The following C1QTNF8 variants were observed in gnomAD, a reference collection of about 807,000 sequenced individuals.
C1QTNF8 encodes C1q and TNF related 8, also known as complement C1q tumor necrosis factor-related protein 8.
Under a neutral mutation model 19.2 loss-of-function variants are expected in C1QTNF8, and 27 were observed. The ratio of observed to expected loss-of-function variants is 1.41; its 90% CI spans 1.04 to 1.94. The LOEUF (loss-of-function observed/expected upper bound fraction) is 1.94, where lower values mean the gene tolerates loss of function less well. Among genes scored for constraint, C1QTNF8 ranks in the 30% most tolerant of loss-of-function variants. The pLI is 0.00. For synonymous variants in C1QTNF8, 208 were observed against 172.8 expected, an observed-to-expected ratio of 1.20 and a Z score of -1.60; for missense variants, 484 against 374.4, an observed-to-expected ratio of 1.29 and a Z score of -2.42.
chr16:1,094,644 GGTGCTCCCCACTCCCT>G, intron 3 of C1QTNF8, 55 bp downstream of exon 3: 1 of 1,336,766 alleles, frequency 7.5e-7, no homozygotes. Flanking sequence ...CCAAGCCCCA[GGTGCTCCCCACTCCCT>G]GTGGGCTGTT....
In C1QTNF8 at chr16:1,088,524, G is replaced by A. The variant is rs888171703; in HGVS notation, c.*2075C>T. On this transcript the variant is annotated 3_prime_UTR_variant, in exon 5 of 5. Coordinates refer to ENST00000328449, the MANE Select transcript of C1QTNF8 (RefSeq NM_207419.3). Reference sequence around the variant, plus strand: ...GCCTCTACCAAGCATCCCTCTTTCCGCTCCCACCTGGCACTGGCAGCGTCC... The same window carrying A: ...GCCTCTACCAAGCATCCCTCTTTCCACTCCCACCTGGCACTGGCAGCGTCC... 1.3e-5 allele frequency among the ~76,000 whole-genome samples: 2 copies of A among 152,142 alleles called. No homozygotes were observed. Among genetic ancestry groups the A allele is most frequent in the African/African-American group, 4.8e-5 (2 of 41,414 alleles).
chr16:1,094,664 G>T, intron 3 of C1QTNF8, 51 bp downstream of exon 3: 2 of 1,506,968 alleles, frequency 1.3e-6, no homozygotes, highest in Non-Finnish European at 1.8e-6. Context: ...ACTCCCTGTG[G>T]GCTGTTGGGT....
chr16:1,094,657 C>T (rs1288757491), intron 3 of C1QTNF8, 58 bp downstream of exon 3: 7 of 1,469,536 alleles, frequency 4.8e-6, no homozygotes, highest in Middle Eastern at 1.8e-4. Flanking sequence ...GCTCCCCACT[C>T]CCTGTGGGCT....
chr16:1,094,772 C>T lies in C1QTNF8; in HGVS notation c.151G>A (p.Asp51Asn), dbSNP rs748702651. The stretch of plus-strand genomic sequence containing the variant: ...ACTCGAGGCAGCCCCCTCCACAGGT[C>T]CCCCCTCCACAGGTCCCTGTCACTC... ...RVSDRDLWRG[D>N]LWRGLPRVRP... The change falls in exon 3 of 5, where the codon GAC becomes AAC. Residue 51 changes from aspartate to asparagine, a missense_variant. Asp to Asn is a conservative substitution (Grantham distance 23). Transcript: ENST00000328449. The T allele has an allele frequency of 5.2e-6, 8 of 1,544,954 alleles. No homozygotes were observed. The East Asian group carries it at 7.6e-5, about 15-fold the overall frequency.
At chr16:1,093,123 AC>A (rs1960589994) in intron 4 of C1QTNF8, among the ~76,000 whole-genome samples, 2 of 144,536 alleles carry the variant, frequency 1.4e-5, no homozygotes, top group Admixed American at 1.4e-4. Flanking sequence ...ATCCCTGCAC[AC>A]AGTCGGTGCT....
At chr16:1,091,362 T>C (rs893648092) in intron 4 of C1QTNF8, among the ~76,000 whole-genome samples, 2 of 151,850 alleles carry the variant, frequency 1.3e-5, no homozygotes, top group African/African-American at 2.4e-5. Flanking sequence ...CTGCCACAAA[T>C]AGCACACCAA....
intron 4 of C1QTNF8, among the ~76,000 whole-genome samples, chr16:1,091,337 G>A (rs530521115): frequency 6.6e-6 from 1 of 152,260 alleles, no homozygotes; most frequent in African/African-American, 2.4e-5. Context: ...CTCCTGCCCG[G>A]GCCCAGTGGC....
intron 4 of C1QTNF8, among the ~76,000 whole-genome samples, chr16:1,092,258 G>A (rs1431383730): frequency 6.6e-6 from 1 of 152,232 alleles, no homozygotes; most frequent in African/African-American, 2.4e-5. Flanking sequence ...CCTGCACACA[G>A]TCGGCACTCA....
chr16:1,093,801 C>T lies in C1QTNF8; in HGVS notation c.459G>A (p.Ala153=), dbSNP rs773734596. 7.4e-6 allele frequency: 12 copies of T among 1,611,112 alleles called. No individual in the cohort carries two copies. Among genetic ancestry groups the T allele is most frequent in the Admixed American group, 1.7e-5 (1 of 59,984 alleles). The change falls in exon 4 of 5, where the codon GCG becomes GCA. Residue 153 remains alanine (A), a synonymous_variant. Coordinates refer to ENST00000328449, the MANE Select transcript of C1QTNF8 (RefSeq NM_207419.3). ...VNLDGAFDLA[A]GRFLCTVPGV... Reference sequence around the variant, plus strand: ...CGGGCACCGTGCAGAGGAAGCGGCCCGCGGCCAGGTCGAAGGCGCCGTCCA... The same window carrying T: ...CGGGCACCGTGCAGAGGAAGCGGCCTGCGGCCAGGTCGAAGGCGCCGTCCA...
At position 1,094,612 on chromosome 16, in the gene C1QTNF8, C is replaced by T. The variant is rs562273121; in HGVS notation, c.208+103G>A. The T allele has an allele frequency of 3.2e-4, 285 of 887,386 alleles. 1 individual carries two copies. In the East Asian group the frequency reaches 7.8e-3, roughly 24 times the overall value. 55.0% of individuals were successfully genotyped at this position (887,386 alleles called of 1,614,324 possible). A position where few individuals can be genotyped will look rare whatever the true frequency, so the allele number is the denominator to read the frequency against. On this transcript the variant is annotated intron_variant, in intron 3 of 4. Transcript: ENST00000328449. ...TGCCAGGGCAGACACTGGTGCTCAG[C>T]GTGCCCCTCCCGCCCCTCCTCCCAA... is the stretch of plus-strand genomic sequence containing the variant.
intron 3 of C1QTNF8, 30 bp downstream of exon 3, chr16:1,094,685 G>A: frequency 5.7e-6 from 9 of 1,577,548 alleles, no homozygotes; most frequent in East Asian, 2.4e-5. Context: ...CCTGGTGGGG[G>A]AGCATGCAGG....
intron 4 of C1QTNF8, among the ~76,000 whole-genome samples, chr16:1,093,279 A>AATCCCTGCACACAGTCGGCGCTCAACC (rs1960595898): frequency 6.8e-5 from 5 of 73,268 alleles, no homozygotes; most frequent in African/African-American, 3.0e-4. Context: ...GGCGCTCAAC[A>AATCCCTGCACACAGTCGGCGCTCAACC]AATCACTGCA....
chr16:1,093,762 G>C lies in C1QTNF8; in HGVS notation c.498C>G (p.Leu166=), dbSNP rs765095637. Residue 166 remains leucine (L), a synonymous_variant, in exon 4 of 5, where the codon CTC becomes CTG. Coordinates refer to ENST00000328449, the MANE Select transcript of C1QTNF8 (RefSeq NM_207419.3). ...FLCTVPGVYF[L]SLNVHTWNYK... is the part of the protein sequence containing the mutation. ...AGTTCCAGGTGTGCACGTTGAGGCT[G>C]AGGAAGTAGACGCCGGGCACCGTGC... 1 of 1,612,226 alleles carries C rather than the reference G, an allele frequency of 6.2e-7. No homozygotes were observed. The highest frequency in any genetic ancestry group is 8.5e-7 in the Non-Finnish European group (1 of 1,179,704).
rs189659753 is a variant in C1QTNF8, at chr16:1,091,844, C to A, written c.*5-1250G>T. On this transcript the variant is annotated intron_variant, in intron 4 of 4. Coordinates refer to ENST00000328449, the MANE Select transcript of C1QTNF8 (RefSeq NM_207419.3). The stretch of plus-strand genomic sequence containing the variant: ...AAGCCACCACTAGAGCAGCCCCACC[C>A]TCCCGGCCACCGTGAGTGCTGGGTG... Among the ~76,000 whole-genome samples, 51 of 145,804 alleles carry A rather than the reference C, an allele frequency of 3.5e-4. 1 individual carries two copies. In the East Asian group the frequency reaches 9.3e-3, roughly 26 times the overall value.
chr16:1,093,388 AC>A, intron 4 of C1QTNF8, 108 bp downstream of exon 4: 1 of 219,478 alleles, frequency 4.6e-6, no homozygotes, highest in Non-Finnish European at 8.0e-6. Flanking sequence ...ACCCCACCAC[AC>A]CCACACCCAC....
At position 1,088,740 on chromosome 16, in the gene C1QTNF8, C is replaced by T. The variant is rs1036782613; in HGVS notation, c.*1859G>A. ...GGTCGCCACTGGCATTCATTAGACACCCCCGCCAGCTTCCAAGAGACCTTG... is the reference window on the plus strand; with the variant it reads ...GGTCGCCACTGGCATTCATTAGACATCCCCGCCAGCTTCCAAGAGACCTTG... On this transcript the variant is annotated 3_prime_UTR_variant, in exon 5 of 5. Transcript: ENST00000328449. Among the ~76,000 whole-genome samples the T allele has an allele frequency of 6.3e-5, 3 of 47,618 alleles. No homozygotes were observed. Among genetic ancestry groups the T allele is most frequent in the Non-Finnish European group, 1.3e-4 (3 of 23,098 alleles). The allele number at this position is 47,618 out of a possible 152,430, so 31.2% of individuals were successfully genotyped here.
Position 1,094,460 on chromosome 16 carries a change from G to A in C1QTNF8, c.208+255C>T, listed in dbSNP as rs545832524. 4.3e-4 allele frequency: 207 copies of A among 486,152 alleles called. 1 individual carries two copies. The highest frequency in any genetic ancestry group is 1.6e-3 in the Admixed American group (40 of 25,368). 30.1% of individuals were successfully genotyped at this position (486,152 alleles called of 1,614,324 possible). On this transcript the variant is annotated intron_variant, in intron 3 of 4. Transcript: ENST00000328449. Reference sequence around the variant, plus strand: ...CCTTCCCAAGGGGCTGCTACTTTGGGGATCTCAGGAACCCTGGCCCCCTTC... The same window carrying A: ...CCTTCCCAAGGGGCTGCTACTTTGGAGATCTCAGGAACCCTGGCCCCCTTC...
chr16:1,093,472 G>C, intron 4 of C1QTNF8, 25 bp downstream of exon 4: 3 of 1,310,138 alleles, frequency 2.3e-6, no homozygotes, highest in East Asian at 3.9e-5. Context: ...GCGCGCGCCC[G>C]GTGCTCAGCC....
At chr16:1,094,100 C>T in intron 3 of C1QTNF8, 49 bp from the exon 4 acceptor site, 2 of 1,359,338 alleles carry the variant, frequency 1.5e-6, no homozygotes, top group Middle Eastern at 2.1e-4. Flanking sequence ...CTGGGCAGGC[C>T]TCCCCCATTC....
Sources: allele counts gnomAD v4.1 joint callset (sites outside exome capture counted in the v4.1 genomes callset), GRCh38; gene constraint gnomAD v4.1.1; transcripts MANE v1.5; gene names NCBI Gene and HGNC (gene_info 2026-07-23, HGNC 2026-07-21).